Variants in NFIA observed in about 807,000 individuals in gnomAD.
NFIA encodes nuclear factor 1 A-type.
NFIA carries 8 observed loss-of-function variants against 62.8 expected under a neutral mutation model. That is an observed-to-expected ratio of 0.13 (90% confidence interval 0.07 to 0.23). The LOEUF is 0.23. Among genes scored for constraint, NFIA ranks in the 10% least tolerant of loss-of-function variants. The pLI is 1.00. For synonymous variants in NFIA, 235 were observed against 238.1 expected (o/e 0.99, Z 0.12); for missense variants, 410 against 642.1 (o/e 0.64, Z 3.91).
Position 61,172,068 on chromosome 1 carries a change from G to A in NFIA, c.559+83388G>A, listed in dbSNP as rs547938629. The stretch of plus-strand genomic sequence containing the variant: ...ATTTATGGATCTTTCTAGAAATTAC[G>A]GTTGGGTTCTTTCCCCTCTCAACCC... On this transcript the variant is annotated intron_variant, in intron 2 of 10. Coordinates refer to ENST00000403491, the MANE Select transcript of NFIA (RefSeq NM_001134673.4). Among the ~76,000 whole-genome samples, 4 of 152,246 alleles carry A rather than the reference G, an allele frequency of 2.6e-5. No individual in the cohort carries two copies. In the South Asian group the frequency reaches 6.2e-4, roughly 24 times the overall value.
intron 7 of NFIA, among the ~76,000 whole-genome samples, chr1:61,403,110 A>G (rs1665652044): frequency 6.6e-6 from 1 of 152,174 alleles, no homozygotes; most frequent in East Asian, 1.9e-4. Context: ...AAAGATTTAA[A>G]CCGAAGAAAG....
chr1:61,339,373 G>C (rs551059702), intron 4 of NFIA, among the ~76,000 whole-genome samples: 7 of 152,286 alleles, frequency 4.6e-5, no homozygotes, highest in Non-Finnish European at 8.8e-5. Flanking sequence ...AGTTATGGAA[G>C]AGAAAATTCT....
chr1:61,130,817 G>A (rs1016847371), intron 2 of NFIA, among the ~76,000 whole-genome samples: 4 of 152,092 alleles, frequency 2.6e-5, no homozygotes, highest in Admixed American at 6.5e-5. Context: ...TAATTTGTTT[G>A]CTTTTATTGG....
intron 6 of NFIA, among the ~76,000 whole-genome samples, chr1:61,359,703 C>T (rs1386021540): frequency 2.6e-5 from 4 of 152,060 alleles, no homozygotes; most frequent in African/African-American, 7.2e-5. Context: ...CTCAGCCTCC[C>T]GAGTAGCTGG....
intron 10 of NFIA, among the ~76,000 whole-genome samples, chr1:61,445,213 C>G (rs1667754744): frequency 6.6e-6 from 1 of 152,132 alleles, no homozygotes; most frequent in Non-Finnish European, 1.5e-5. Flanking sequence ...GGAAGCCAAG[C>G]AGCTCTGCCA....
rs543360458 is a variant in NFIA at position 61,319,327 on chromosome 1, G to C, written c.626-13185G>C. Among the ~76,000 whole-genome samples, 13 of 152,248 alleles carry C rather than the reference G, an allele frequency of 8.5e-5. No individual in the cohort carries two copies. The South Asian group carries it at 2.7e-3, about 32-fold the overall frequency. On this transcript the variant is annotated intron_variant, in intron 3 of 10. Transcript: ENST00000403491. ...AAAAGATGAAATTATACATATGTTT[G>C]TGTAGTAGCAGGAATCTTCCATTAC...
chr1:61,406,662 C>T lies in NFIA; in HGVS notation c.1355C>T (p.Pro452Leu), dbSNP rs533067936. ...PPPMARPVPL[P>L]VPDTKPPTTS... is the part of the protein sequence containing the mutation. ...CCGATGGCCAGGCCTGTGCCTCTGC[C>T]GGTGCCAGACACAAAGCCTCCAACC... Residue 452 changes from proline (P) to leucine (L), a missense_variant, in exon 9 of 11, where the codon CCG becomes CTG. Physicochemically the swap from Pro to Leu is moderately conservative, Grantham distance 98 (BLOSUM62 -3). This residue lies in a region of NFIA where 298 missense variants were observed against 438.1 expected (regional missense o/e 0.68). Coordinates refer to ENST00000403491, the MANE Select transcript of NFIA (RefSeq NM_001134673.4). 8.7e-6 allele frequency: 14 copies of T among 1,612,932 alleles called. No homozygotes were observed. Among genetic ancestry groups the T allele is most frequent in the South Asian group, 2.2e-5 (2 of 90,758 alleles).
At chr1:61,373,802 T>TAA (rs11389337) in intron 6 of NFIA, among the ~76,000 whole-genome samples, 11 of 147,486 alleles carry the variant, frequency 7.5e-5, no homozygotes, top group Middle Eastern at 3.5e-3. Flanking sequence ...TTTTGGAAGT[T>TAA]AAAAAAAAAA....
At position 61,455,479 on chromosome 1, in the gene NFIA, T is replaced by A; in HGVS notation, c.*159T>A. On this transcript the variant is annotated 3_prime_UTR_variant, in exon 11 of 11. Transcript: ENST00000403491. ...ACTTGTACATGGAAACAGCAAGCAT[T>A]ATGGTCAAACAGCAAAGGCCATAAC... is the stretch of plus-strand genomic sequence containing the variant. 1.6e-6 allele frequency: 2 copies of A among 1,225,734 alleles called. No individual in the cohort carries two copies. The highest frequency in any genetic ancestry group is 1.2e-6 in the Non-Finnish European group (1 of 853,738). 75.9% of individuals were successfully genotyped at this position (1,225,734 alleles called of 1,614,324 possible). A position where few individuals can be genotyped will look rare whatever the true frequency, so the allele number is the denominator to read the frequency against.
At chr1:61,308,357 A>G (rs545168154) in intron 3 of NFIA, among the ~76,000 whole-genome samples, 31 of 152,320 alleles carry the variant, frequency 2.0e-4, no homozygotes, top group African/African-American at 7.2e-4. Flanking sequence ...AATCCATAAG[A>G]TATCATCATC....
At chr1:61,251,728 A>AT (rs1278275831) in intron 2 of NFIA, among the ~76,000 whole-genome samples, 4 of 152,172 alleles carry the variant, frequency 2.6e-5, no homozygotes, top group Non-Finnish European at 5.9e-5. Flanking sequence ...ATGGCAGTTG[A>AT]TTTTTTGTAT....
chr1:61,452,445 T>C (rs896517917), intron 10 of NFIA, among the ~76,000 whole-genome samples: 4 of 152,182 alleles, frequency 2.6e-5, no homozygotes, highest in African/African-American at 9.7e-5. Flanking sequence ...TAAGTACTAA[T>C]GGTCAAATTA....
At chr1:61,097,978 G>A (rs1034945988) in intron 2 of NFIA, among the ~76,000 whole-genome samples, 1 of 152,182 alleles carries the variant, frequency 6.6e-6, no homozygotes, top group Non-Finnish European at 1.5e-5. Context: ...ATGGCTTTCA[G>A]TGTTGAGATG....
At chr1:61,361,779 A>G (rs1663302311) in intron 6 of NFIA, among the ~76,000 whole-genome samples, 1 of 125,276 alleles carries the variant, frequency 8.0e-6, no homozygotes, top group African/African-American at 3.2e-5. Context: ...CTTTTTGGTA[A>G]GAGGTGTGTG....
At chr1:61,307,268 A>G (rs1277684052) in intron 3 of NFIA, among the ~76,000 whole-genome samples, 1 of 152,166 alleles carries the variant, frequency 6.6e-6, no homozygotes, top group Non-Finnish European at 1.5e-5. Context: ...ACCCTCTTGA[A>G]TGGAACTAGT....
intron 2 of NFIA, among the ~76,000 whole-genome samples, chr1:61,235,836 A>C (rs1173903813): frequency 2.0e-5 from 3 of 151,914 alleles, no homozygotes; most frequent in Non-Finnish European, 4.4e-5. Context: ...AGAAAAAGAA[A>C]AAGAAAGAGA....
intron 9 of NFIA, among the ~76,000 whole-genome samples, chr1:61,414,434 C>T (rs1666261872): frequency 6.6e-6 from 1 of 152,200 alleles, no homozygotes; most frequent in Non-Finnish European, 1.5e-5. Context: ...ATGCTAGAGT[C>T]ATAATTTCCA....
intron 1 of NFIA, among the ~76,000 whole-genome samples, chr1:61,087,631 G>C (rs1443890156): frequency 6.6e-6 from 1 of 152,152 alleles, no homozygotes; most frequent in Non-Finnish European, 1.5e-5. Flanking sequence ...TAGGGGGAAA[G>C]CCTTTGTTTT....
chr1:61,183,732 G>A (rs1280180030), intron 2 of NFIA, among the ~76,000 whole-genome samples: 1 of 152,192 alleles, frequency 6.6e-6, no homozygotes, highest in Non-Finnish European at 1.5e-5. Context: ...AGTGTGCAGT[G>A]TTCAACTGGT....
Sources: gnomAD v4.1 joint callset for allele counts (sites outside exome capture counted in the v4.1 genomes callset) on GRCh38, gnomAD v4.1.1 for gene constraint, gnomAD v4.1.1 regional missense constraint, MANE v1.5 for transcripts, NCBI Gene and HGNC (gene_info 2026-07-23, HGNC 2026-07-21) for gene names.